Variants in GOLPH3L observed in about 807,000 individuals in gnomAD.
The protein encoded by GOLPH3L is golgi phosphoprotein 3 like.
Under a neutral mutation model 30.3 loss-of-function variants are expected in GOLPH3L, and 22 were observed. The observed-to-expected ratio is 0.73, with a 90% CI of 0.52 to 1.04. GOLPH3L has a LOEUF of 1.04. Ranked by LOEUF, GOLPH3L falls within the 50% of genes least tolerant of loss-of-function variation. The pLI, the probability that GOLPH3L is intolerant of heterozygous loss-of-function variation, is 0.00. For missense variants in GOLPH3L, 303 were observed against 345.8 expected, an observed-to-expected ratio of 0.88 and a Z score of 0.98; for synonymous variants, 120 against 128.2, an observed-to-expected ratio of 0.94 and a Z score of 0.43.
At chr1:150,682,802 C>A (rs1335072571) in intron 2 of GOLPH3L, among the ~76,000 whole-genome samples, 3 of 151,868 alleles carry the variant, frequency 2.0e-5, no homozygotes, top group Non-Finnish European at 4.4e-5. Flanking sequence ...AATACAGTAA[C>A]CTCAAACCCT....
At chr1:150,654,743 C>T (rs587646326) in intron 4 of GOLPH3L, among the ~76,000 whole-genome samples, 1 of 152,346 alleles carries the variant, frequency 6.6e-6, no homozygotes, top group Non-Finnish European at 1.5e-5. Context: ...CAATATCTGT[C>T]CCCCGCCATA....
intron 4 of GOLPH3L, among the ~76,000 whole-genome samples, chr1:150,653,768 G>GTT (rs758361697): frequency 7.3e-6 from 1 of 137,290 alleles, no homozygotes; most frequent in East Asian, 2.2e-4. Flanking sequence ...ACTATCTTTT[G>GTT]TTTTTTTTTT....
rs74124968 is a variant in GOLPH3L at position 150,649,666 on chromosome 1, G to C, written c.431-918C>G. 4.9e-3 allele frequency among the ~76,000 whole-genome samples: 752 copies of C among 152,250 alleles called. 4 individuals are homozygous for C. Among genetic ancestry groups the C allele is most frequent in the African/African-American group, 0.017 (708 of 41,536 alleles). Reference sequence around the variant, plus strand: ...GGCTGCACCCACTCAGGAGCAATCAGAGCAGGACGTGGGGCTTGACTTGAG... The same window carrying C: ...GGCTGCACCCACTCAGGAGCAATCACAGCAGGACGTGGGGCTTGACTTGAG... On this transcript the variant is annotated intron_variant, in intron 4 of 4. Transcript: ENST00000271732.
At chr1:150,680,393 GT>G (rs587638942) in intron 2 of GOLPH3L, among the ~76,000 whole-genome samples, 4 of 151,916 alleles carry the variant, frequency 2.6e-5, no homozygotes, top group African/African-American at 7.3e-5. Context: ...TAAATTAAGA[GT>G]TTTTTTTAAA....
chr1:150,679,859 C>T (rs1197608514), intron 2 of GOLPH3L, among the ~76,000 whole-genome samples: 1 of 152,034 alleles, frequency 6.6e-6, no homozygotes, highest in Non-Finnish European at 1.5e-5. Context: ...AATCTCCACA[C>T]TTTGGGAGAC....
At chr1:150,657,781 T>C (rs1256255404) in intron 4 of GOLPH3L, among the ~76,000 whole-genome samples, 1 of 152,088 alleles carries the variant, frequency 6.6e-6, no homozygotes, top group Non-Finnish European at 1.5e-5. Flanking sequence ...AGAATGAATC[T>C]CTCCCTAAAA....
intron 4 of GOLPH3L, among the ~76,000 whole-genome samples, chr1:150,653,266 G>A (rs1650165506): frequency 6.7e-6 from 1 of 148,472 alleles, no homozygotes; most frequent in Non-Finnish European, 1.5e-5. Context: ...AGTTTCCTTG[G>A]AATTAAACTT....
intron 2 of GOLPH3L, among the ~76,000 whole-genome samples, chr1:150,678,689 T>C (rs2101807645): frequency 6.6e-6 from 1 of 152,264 alleles, no homozygotes; most frequent in South Asian, 2.1e-4. Flanking sequence ...AACTAAAAAA[T>C]GATGTTTGGC....
At chr1:150,667,694 C>T (rs1469169561) in intron 2 of GOLPH3L, among the ~76,000 whole-genome samples, 1 of 151,238 alleles carries the variant, frequency 6.6e-6, no homozygotes, top group Non-Finnish European at 1.5e-5. Flanking sequence ...GCCGGGTTCA[C>T]GCCATTCTCC....
At chr1:150,667,127 C>A (rs1012497802) in intron 2 of GOLPH3L, among the ~76,000 whole-genome samples, 1 of 152,122 alleles carries the variant, frequency 6.6e-6, no homozygotes, top group Non-Finnish European at 1.5e-5. Flanking sequence ...TCCTGACCAA[C>A]CAACTCCTGA....
Position 150,694,792 on chromosome 1 carries a change from T to G in GOLPH3L, c.47A>C (p.Asn16Thr). 2.5e-6 allele frequency: 4 copies of G among 1,613,454 alleles called. No homozygotes were observed. Among genetic ancestry groups the G allele is most frequent in the Non-Finnish European group, 3.4e-6 (4 of 1,179,574 alleles). Residue 16 changes from asparagine (N) to threonine (T), a missense_variant, in exon 2 of 5, where the codon AAC becomes ACC. By Grantham distance (65) the Asn-to-Thr change is moderately conservative. Transcript: ENST00000271732. ...HRARRTEISKNSEKKMESEED... is the reference protein window; with the variant it reads ...HRARRTEISKTSEKKMESEED... ...CTCACTTTCCATCTTCTTTTCAGAG[T>G]TCTTGCTTATTTCAGTGCGACGGGC...
At chr1:150,654,194 T>C (rs951291292) in intron 4 of GOLPH3L, among the ~76,000 whole-genome samples, 6 of 151,804 alleles carry the variant, frequency 4.0e-5, no homozygotes, top group Non-Finnish European at 8.8e-5. Context: ...CTAAAACTTA[T>C]AATAACTGAA....
At position 150,648,368 on chromosome 1, in the gene GOLPH3L, C is replaced by T. The variant is rs779210655; in HGVS notation, c.811G>A (p.Ala271Thr). 5.6e-6 allele frequency: 9 copies of T among 1,613,620 alleles called. No homozygotes were observed. The highest frequency in any genetic ancestry group is 7.6e-6 in the Non-Finnish European group (9 of 1,179,754). Reference sequence around the variant, plus strand: ...AGCACAGCCCAGATCATTTCTGTGGCACTAGGCTTTGTCCCTTCCACTTCA... The same window carrying T: ...AGCACAGCCCAGATCATTTCTGTGGTACTAGGCTTTGTCCCTTCCACTTCA... ...DPEVEGTKPSATEMIWAVLAA... is the reference protein window; with the variant it reads ...DPEVEGTKPSTTEMIWAVLAA... Residue 271 changes from alanine (A) to threonine (T), a missense_variant, in exon 5 of 5, where the codon GCC (alanine) becomes ACC (threonine). By Grantham distance (58) the Ala-to-Thr change is moderately conservative. Coordinates refer to ENST00000271732, the MANE Select transcript of GOLPH3L (RefSeq NM_018178.6).
intron 2 of GOLPH3L, among the ~76,000 whole-genome samples, chr1:150,684,959 T>G (rs1651048794): frequency 6.6e-6 from 1 of 152,086 alleles, no homozygotes; most frequent in South Asian, 2.1e-4. Flanking sequence ...TGAGCCACCA[T>G]GCCCAGCGAT....
At chr1:150,673,344 A>T (rs2101801447) in intron 2 of GOLPH3L, among the ~76,000 whole-genome samples, 1 of 152,108 alleles carries the variant, frequency 6.6e-6, no homozygotes, top group South Asian at 2.1e-4. Flanking sequence ...CGGGCGGATC[A>T]CAAGGTTAGG....
chr1:150,670,813 T>C (rs1382670428), intron 2 of GOLPH3L, among the ~76,000 whole-genome samples: 1 of 152,214 alleles, frequency 6.6e-6, no homozygotes, highest in African/African-American at 2.4e-5. Context: ...CTGGGTATCA[T>C]TCCACATCAG....
chr1:150,674,834 G>C (rs1164201147), intron 2 of GOLPH3L, among the ~76,000 whole-genome samples: 1 of 151,926 alleles, frequency 6.6e-6, no homozygotes, highest in Non-Finnish European at 1.5e-5. Context: ...CAAGGGGGCA[G>C]TGAGCCATGA....
In GOLPH3L at chr1:150,679,520, TG is replaced by T. The variant is rs371534599; in HGVS notation, c.183+15135del. On this transcript the variant is annotated intron_variant, in intron 2 of 4. Coordinates refer to ENST00000271732, the MANE Select transcript of GOLPH3L (RefSeq NM_018178.6). ...GCTGGTTAGAAATAATAAAAAGGGCTGGGCGCAATGGCTCGCACCTGCAATC... is the reference window on the plus strand; with the variant it reads ...GCTGGTTAGAAATAATAAAAAGGGCTGGCGCAATGGCTCGCACCTGCAATC... Among the ~76,000 whole-genome samples, 20 of 152,250 alleles carry T rather than the reference TG, an allele frequency of 1.3e-4. 1 individual carries two copies. In the South Asian group the frequency reaches 4.1e-3, roughly 32 times the overall value.
At position 150,648,724 on chromosome 1, in the gene GOLPH3L, A is replaced by G. The variant is rs1271249254; in HGVS notation, c.455T>C (p.Leu152Ser). ...TCGTACATTTCTCAGCTGGTACTGT[A>G]ATTTGAAGGGGTTCCAGGTCTCACC... ...LTGETWNPFK[L>S]QYQLRNVRER... Residue 152 changes from leucine to serine, a missense_variant, in exon 5 of 5, where the codon TTA becomes TCA. Coordinates refer to ENST00000271732, the MANE Select transcript of GOLPH3L (RefSeq NM_018178.6). 1 of 1,611,208 alleles carries G rather than the reference A, an allele frequency of 6.2e-7. No individual in the cohort carries two copies. The highest frequency in any genetic ancestry group is 1.7e-5 in the Admixed American group (1 of 60,008).
Sources: allele counts gnomAD v4.1 joint callset (sites outside exome capture counted in the v4.1 genomes callset), GRCh38; gene constraint gnomAD v4.1.1; transcripts MANE v1.5; gene names NCBI Gene and HGNC (gene_info 2026-07-23, HGNC 2026-07-21).